TSHZ2: variants seen among roughly 807,000 people sequenced by gnomAD.
TSHZ2 encodes the protein teashirt homolog 2.
Under a neutral mutation model 74.4 loss-of-function variants are expected in TSHZ2, and 21 were observed. That is an observed-to-expected ratio of 0.28 (90% CI 0.20 to 0.41). The LOEUF is 0.41. Among genes scored for constraint, TSHZ2 ranks in the 10% least tolerant of loss-of-function variants. The pLI is 1.00. For synonymous variants in TSHZ2, 540 were observed against 515.3 expected (o/e 1.05, Z -0.65); for missense variants, 1,244 against 1,293.5 (o/e 0.96, Z 0.59).
chr20:53,231,166 T>C lies in TSHZ2; in HGVS notation c.41-22333T>C, dbSNP rs150680692. On this transcript the variant is annotated intron_variant, in intron 1 of 2. Coordinates refer to ENST00000371497, the MANE Select transcript of TSHZ2 (RefSeq NM_173485.6). Reference sequence around the variant, plus strand: ...AAATGCCTTCAGCCCTAGACATGTCTGCAGTCTATTTATGTTTGGCTAAAA... The same window carrying C: ...AAATGCCTTCAGCCCTAGACATGTCCGCAGTCTATTTATGTTTGGCTAAAA... Among the ~76,000 whole-genome samples the C allele has an allele frequency of 2.2e-4, 33 of 152,328 alleles. No individual in the cohort carries two copies. The East Asian group carries it at 6.2e-3, about 29-fold the overall frequency.
chr20:53,154,318 T>A (rs1490687000), intron 1 of TSHZ2, among the ~76,000 whole-genome samples: 1 of 152,168 alleles, frequency 6.6e-6, no homozygotes, highest in Non-Finnish European at 1.5e-5. Context: ...AAGTAAATGT[T>A]TTTTTAACAT....
chr20:53,162,409 C>T (rs1476707877), intron 1 of TSHZ2, among the ~76,000 whole-genome samples: 3 of 152,222 alleles, frequency 2.0e-5, no homozygotes, highest in Non-Finnish European at 4.4e-5. Context: ...TTACTCCTTT[C>T]TATGCTGAGA....
At chr20:53,090,683 A>T (rs563608110) in intron 1 of TSHZ2, among the ~76,000 whole-genome samples, 1 of 152,294 alleles carries the variant, frequency 6.6e-6, no homozygotes, top group Admixed American at 6.5e-5. Flanking sequence ...GTGTGCTTTG[A>T]GGTGGCTTCC....
intron 1 of TSHZ2, among the ~76,000 whole-genome samples, chr20:52,983,357 T>A (rs1335933996): frequency 6.6e-6 from 1 of 152,256 alleles, no homozygotes; most frequent in African/African-American, 2.4e-5. Context: ...CACAAATGAA[T>A]GTTTTTTATT....
chr20:53,468,366 A>T (rs1985623540), intron 2 of TSHZ2, among the ~76,000 whole-genome samples: 1 of 152,174 alleles, frequency 6.6e-6, no homozygotes, highest in Non-Finnish European at 1.5e-5. Context: ...AGTGTGCTTT[A>T]TGGAAAAGAT....
intron 1 of TSHZ2, among the ~76,000 whole-genome samples, chr20:53,175,736 C>T (rs1022927748): frequency 3.9e-5 from 6 of 152,198 alleles, no homozygotes; most frequent in African/African-American, 1.4e-4. Context: ...GAAGTTCCAT[C>T]GGCTCCTCTA....
At chr20:53,152,383 T>C (rs1987694855) in intron 1 of TSHZ2, among the ~76,000 whole-genome samples, 1 of 152,086 alleles carries the variant, frequency 6.6e-6, no homozygotes, top group Non-Finnish European at 1.5e-5. Flanking sequence ...TTCACCCTAA[T>C]CTTGACCCTA....
intron 2 of TSHZ2, among the ~76,000 whole-genome samples, chr20:53,338,641 G>A (rs1600817885): frequency 6.6e-6 from 1 of 152,286 alleles, no homozygotes; most frequent in African/African-American, 2.4e-5. Context: ...GCTGTGGAAT[G>A]TCCTACAGTG....
intron 2 of TSHZ2, among the ~76,000 whole-genome samples, chr20:53,284,130 G>A (rs781586359): frequency 3.3e-5 from 5 of 152,090 alleles, no homozygotes; most frequent in Non-Finnish European, 5.9e-5. Context: ...GAGTTTTACC[G>A]CCTCGAACAA....
chr20:53,067,469 T>TTGGTTACTGAATTTG (rs1332062908), intron 1 of TSHZ2, among the ~76,000 whole-genome samples: 10 of 152,256 alleles, frequency 6.6e-5, no homozygotes, highest in Non-Finnish European at 1.3e-4. Context: ...ATTTGAGAAT[T>TTGGTTACTGAATTTG]GTCACTGAAA....
Position 53,241,465 on chromosome 20 carries a change from T to G in TSHZ2, c.41-12034T>G, listed in dbSNP as rs79203457. ...TTTTATCATTAACTTTTTTATTCGT[T>G]TGTTTCTTGTAATATAAAAATACTC... On this transcript the variant is annotated intron_variant, in intron 1 of 2. Coordinates refer to ENST00000371497, the MANE Select transcript of TSHZ2 (RefSeq NM_173485.6). Among the ~76,000 whole-genome samples, 1,257 of 152,282 alleles carry G rather than the reference T, an allele frequency of 8.3e-3. 11 individuals are homozygous for G. Among genetic ancestry groups the G allele is most frequent in the African/African-American group, 0.029 (1,220 of 41,548 alleles).
At chr20:53,183,367 G>A (rs1327749627) in intron 1 of TSHZ2, among the ~76,000 whole-genome samples, 1 of 152,194 alleles carries the variant, frequency 6.6e-6, no homozygotes, top group Non-Finnish European at 1.5e-5. Flanking sequence ...GTCCCTGAGT[G>A]AAGATGCTGC....
chr20:53,444,380 C>A (rs985074386), intron 2 of TSHZ2, among the ~76,000 whole-genome samples: 5 of 152,144 alleles, frequency 3.3e-5, no homozygotes, highest in Admixed American at 1.3e-4. Context: ...CCAACTGTGT[C>A]TCTATTAGGT....
At position 53,393,531 on chromosome 20, in the gene TSHZ2, A is replaced by T. The variant is rs1173771480; in HGVS notation, c.*9-93613A>T. Among the ~76,000 whole-genome samples the T allele has an allele frequency of 2.0e-5, 3 of 152,232 alleles. No individual in the cohort carries two copies. In the East Asian group the frequency reaches 5.8e-4, roughly 29 times the overall value. ...ATAAAACAGCCAGCAGAGTGTTTGT[A>T]ACATAGTAGGTACCAAACACATTGT... On this transcript the variant is annotated intron_variant, in intron 2 of 2. Coordinates refer to ENST00000371497, the MANE Select transcript of TSHZ2 (RefSeq NM_173485.6).
intron 2 of TSHZ2, among the ~76,000 whole-genome samples, chr20:53,349,477 C>A (rs965176676): frequency 6.6e-6 from 1 of 151,992 alleles, no homozygotes; most frequent in Non-Finnish European, 1.5e-5. Context: ...CACGGTGAGA[C>A]CCCATCTCTA....
intron 1 of TSHZ2, among the ~76,000 whole-genome samples, chr20:53,235,171 TG>T (rs1464552406): frequency 6.6e-6 from 1 of 150,506 alleles, no homozygotes; most frequent in African/African-American, 2.4e-5. Flanking sequence ...CGTGTTTGTT[TG>T]TTTGTTTGTT....
At chr20:53,282,897 A>G (rs565730104) in intron 2 of TSHZ2, among the ~76,000 whole-genome samples, 69 of 152,326 alleles carry the variant, frequency 4.5e-4, no homozygotes, top group Non-Finnish European at 8.8e-4. Context: ...CCAGATCAGA[A>G]CAGACACATG....
At chr20:52,991,649 G>A (rs58411144) in intron 1 of TSHZ2, among the ~76,000 whole-genome samples, 168 of 149,472 alleles carry the variant, frequency 1.1e-3, no homozygotes, top group Non-Finnish European at 1.2e-3. Flanking sequence ...TGTTGTGGGG[G>A]GAGAGAATGT....
rs1250107114 is a variant in TSHZ2 at position 53,491,714 on chromosome 20, A to T, written c.*4579A>T. ...AGGGAAAACTAGAAATGTGTTATGGATTAGAATAGGACTGTTTTAAAATGC... is the reference window on the plus strand; with the variant it reads ...AGGGAAAACTAGAAATGTGTTATGGTTTAGAATAGGACTGTTTTAAAATGC... On this transcript the variant is annotated 3_prime_UTR_variant, in exon 3 of 3. Coordinates refer to ENST00000371497, the MANE Select transcript of TSHZ2 (RefSeq NM_173485.6). 2 of 152,200 alleles carry T rather than the reference A, an allele frequency of 1.3e-5. No individual in the cohort carries two copies. Among genetic ancestry groups the T allele is most frequent in the African/African-American group, 4.8e-5 (2 of 41,448 alleles). 9.4% of individuals were successfully genotyped at this position (152,200 alleles called of 1,614,324 possible). A position where few individuals can be genotyped will look rare whatever the true frequency, so the allele number is the denominator to read the frequency against.
Sources: allele counts gnomAD v4.1 joint callset (sites outside exome capture counted in the v4.1 genomes callset), GRCh38; gene constraint gnomAD v4.1.1; transcripts MANE v1.5; gene names NCBI Gene and HGNC (gene_info 2026-07-23, HGNC 2026-07-21).